SRPK2: variants seen among roughly 807,000 people sequenced by gnomAD.
The protein encoded by SRPK2 is SRSF protein kinase 2, also known as SFRS protein kinase 2.
Under a neutral mutation model 90.8 loss-of-function variants are expected in SRPK2, and 21 were observed. The observed-to-expected ratio is 0.23, with a 90% CI of 0.16 to 0.33. SRPK2 has a LOEUF of 0.33. SRPK2 is among the 10% of genes least tolerant of loss of function. SRPK2 has a pLI of 1.00. For missense variants in SRPK2, 620 were observed against 869.0 expected, an observed-to-expected ratio of 0.71 and a Z score of 3.60; for synonymous variants, 288 against 311.1, an observed-to-expected ratio of 0.93 and a Z score of 0.78.
chr7:105,161,259 A>G (rs1201420561), intron 6 of SRPK2, among the ~76,000 whole-genome samples: 2 of 152,204 alleles, frequency 1.3e-5, no homozygotes, highest in Non-Finnish European at 2.9e-5. Flanking sequence ...TAGATTACTT[A>G]TAATACCTAA....
At chr7:105,347,502 A>C (rs1228757205) in intron 2 of SRPK2, among the ~76,000 whole-genome samples, 1 of 152,072 alleles carries the variant, frequency 6.6e-6, no homozygotes, top group Non-Finnish European at 1.5e-5. Context: ...ACTGGCTTAT[A>C]AATATGTGTA....
intron 2 of SRPK2, among the ~76,000 whole-genome samples, chr7:105,254,416 T>C (rs935217910): frequency 2.0e-5 from 3 of 152,232 alleles, no homozygotes; most frequent in Admixed American, 2.0e-4. Flanking sequence ...CACTCCTTTA[T>C]AAAGAGCCTT....
chr7:105,225,797 T>A (rs201056096), intron 2 of SRPK2, among the ~76,000 whole-genome samples: 1 of 148,810 alleles, frequency 6.7e-6, no homozygotes, highest in Admixed American at 6.7e-5. Flanking sequence ...AACTTACACT[T>A]AAAAAAAAAA....
Position 105,286,180 on chromosome 7 carries a change from CA to C in SRPK2, c.72-82396del, listed in dbSNP as rs539203539. Reference sequence around the variant, plus strand: ...GGGTTCTAAGCCACTATGTTCTATGCATCTCCACTTTCAAATGTCCTCAAAT... The same window carrying C: ...GGGTTCTAAGCCACTATGTTCTATGCTCTCCACTTTCAAATGTCCTCAAAT... On this transcript the variant is annotated intron_variant, in intron 2 of 15. Transcript: ENST00000393651. Among the ~76,000 whole-genome samples, 208 of 152,298 alleles carry C rather than the reference CA, an allele frequency of 1.4e-3. 1 individual carries two copies. Among genetic ancestry groups the C allele is most frequent in the African/African-American group, 4.7e-3 (195 of 41,562 alleles).
chr7:105,306,060 A>C (rs1190708012), intron 2 of SRPK2, among the ~76,000 whole-genome samples: 3 of 152,188 alleles, frequency 2.0e-5, no homozygotes, highest in African/African-American at 7.2e-5. Context: ...TAAAAGTGGG[A>C]TATTTTGGGG....
chr7:105,330,478 G>A (rs1814180394), intron 2 of SRPK2, among the ~76,000 whole-genome samples: 1 of 152,070 alleles, frequency 6.6e-6, no homozygotes, highest in African/African-American at 2.4e-5. Context: ...GGGAAAAAAG[G>A]AGAGCAGGAG....
chr7:105,122,800 CAT>C (rs1800583332), intron 15 of SRPK2, among the ~76,000 whole-genome samples: 1 of 152,108 alleles, frequency 6.6e-6, no homozygotes, highest in Admixed American at 6.5e-5. Context: ...GACACACACA[CAT>C]ACACACACGC....
intron 2 of SRPK2, among the ~76,000 whole-genome samples, chr7:105,229,371 G>GAA (rs1799142011): frequency 2.6e-5 from 4 of 152,046 alleles, no homozygotes; most frequent in Admixed American, 2.0e-4. Flanking sequence ...GGCTGAGGCA[G>GAA]AAGAATGGCG....
intron 6 of SRPK2, among the ~76,000 whole-genome samples, chr7:105,164,316 CTT>C (rs929684888): frequency 3.3e-5 from 5 of 152,218 alleles, no homozygotes; most frequent in Admixed American, 2.6e-4. Context: ...CCTCAGAAAA[CTT>C]CACCAAGGAG....
chr7:105,191,296 T>C (rs1035735909), intron 3 of SRPK2, among the ~76,000 whole-genome samples: 3 of 152,130 alleles, frequency 2.0e-5, no homozygotes, highest in Admixed American at 2.0e-4. Flanking sequence ...CCGCCAGGCA[T>C]GGTGACTCAT....
At chr7:105,277,774 A>T (rs1368366507) in intron 2 of SRPK2, among the ~76,000 whole-genome samples, 3 of 152,202 alleles carry the variant, frequency 2.0e-5, no homozygotes, top group African/African-American at 7.2e-5. Flanking sequence ...CACCCATCAA[A>T]ATCCTTTGTC....
intron 2 of SRPK2, among the ~76,000 whole-genome samples, chr7:105,295,305 T>C (rs1468235847): frequency 6.6e-6 from 1 of 151,742 alleles, no homozygotes; most frequent in African/African-American, 2.4e-5. Flanking sequence ...ATTTTAATGT[T>C]TGTTTTATGT....
At chr7:105,325,551 C>CAAAAAAA (rs34722293) in intron 2 of SRPK2, among the ~76,000 whole-genome samples, 1 of 71,516 alleles carries the variant, frequency 1.4e-5, no homozygotes. Flanking sequence ...TTTCTCAAGG[C>CAAAAAAA]AAAAAAAAAA....
At chr7:105,354,498 G>C (rs184515431) in intron 2 of SRPK2, among the ~76,000 whole-genome samples, 1 of 152,154 alleles carries the variant, frequency 6.6e-6, no homozygotes, top group Non-Finnish European at 1.5e-5. Context: ...TAAGCATTAC[G>C]ATCCAAAGCA....
chr7:105,244,884 T>C lies in SRPK2; in HGVS notation c.72-41099A>G, dbSNP rs191794417. 1.2e-3 allele frequency: 1,570 copies of C among 1,363,340 alleles called. 8 individuals are homozygous for C. Among genetic ancestry groups the C allele is most frequent in the East Asian group, 0.011 (496 of 43,504 alleles). 84.5% of individuals were successfully genotyped at this position (1,363,340 alleles called of 1,614,324 possible). A position where few individuals can be genotyped will look rare whatever the true frequency, so the allele number is the denominator to read the frequency against. On this transcript the variant is annotated intron_variant, in intron 2 of 15. Transcript: ENST00000393651. Reference sequence around the variant, plus strand: ...CCTCAAGTTCATCAAGAAAAGGGTGTGGGCGCACATCCGCGCCAAGAGGAA... The same window carrying C: ...CCTCAAGTTCATCAAGAAAAGGGTGCGGGCGCACATCCGCGCCAAGAGGAA...
intron 2 of SRPK2, among the ~76,000 whole-genome samples, chr7:105,250,885 C>A (rs1196508119): frequency 6.6e-6 from 1 of 152,150 alleles, no homozygotes; most frequent in East Asian, 1.9e-4. Flanking sequence ...TTTCTAGCAA[C>A]TCTGGGGAGG....
chr7:105,231,124 T>C (rs1363358268), intron 2 of SRPK2, among the ~76,000 whole-genome samples: 4 of 152,154 alleles, frequency 2.6e-5, no homozygotes, highest in Middle Eastern at 3.2e-3. Flanking sequence ...GTTTCCTTCT[T>C]TGTGCTGATT....
chr7:105,134,111 G>A (rs1802437130), intron 11 of SRPK2, among the ~76,000 whole-genome samples: 1 of 152,036 alleles, frequency 6.6e-6, no homozygotes, highest in African/African-American at 2.4e-5. Flanking sequence ...TTTTGAAATG[G>A]TATTTAAAAA....
intron 2 of SRPK2, among the ~76,000 whole-genome samples, chr7:105,355,239 T>C: frequency 6.6e-6 from 1 of 152,090 alleles, no homozygotes; most frequent in East Asian, 1.9e-4. Flanking sequence ...CTAACGCCTA[T>C]AATCCTAGCA....
Sources: gnomAD v4.1 joint callset for allele counts (sites outside exome capture counted in the v4.1 genomes callset) on GRCh38, gnomAD v4.1.1 for gene constraint, MANE v1.5 for transcripts, NCBI Gene and HGNC (gene_info 2026-07-23, HGNC 2026-07-21) for gene names.